Variants in ZYG11B observed in about 807,000 individuals in gnomAD.
The protein encoded by ZYG11B is protein zyg-11 homolog B.
A neutral mutation model predicts 82.4 loss-of-function variants in ZYG11B; 36 were observed. The observed-to-expected ratio is 0.44, with a 90% confidence interval of 0.33 to 0.58. ZYG11B has a LOEUF of 0.58. Among genes scored for constraint, ZYG11B ranks in the 20% least tolerant of loss-of-function variants. The probability of loss-of-function intolerance (pLI) is 0.02; values close to 1 mark genes in which losing one functional copy is unlikely to be tolerated. For missense variants in ZYG11B, 552 were observed against 895.6 expected (o/e 0.62, Z 4.90); for synonymous variants, 303 against 312.8 (o/e 0.97, Z 0.33).
intron 1 of ZYG11B, chr1:52,754,383 C>T (rs1644552929): frequency 6.6e-6 from 1 of 151,906 alleles, no homozygotes; most frequent in African/African-American, 2.4e-5. Context: ...GTTTATTTTA[C>T]ATTTATTTAT....
intron 10 of ZYG11B, among the ~76,000 whole-genome samples, chr1:52,811,190 T>G (rs187356806): frequency 6.6e-5 from 10 of 152,352 alleles, no homozygotes; most frequent in Non-Finnish European, 1.3e-4. Flanking sequence ...GCTTTGATTT[T>G]TTGAATGATA....
intron 3 of ZYG11B, chr1:52,772,701 G>A (rs528271191): frequency 1.6e-4 from 110 of 705,164 alleles, no homozygotes; most frequent in African/African-American, 1.5e-3. Flanking sequence ...CTTTTGAGAC[G>A]GAGTCTTGCT....
chr1:52,768,184 T>C (rs1177752071), intron 2 of ZYG11B, among the ~76,000 whole-genome samples: 1 of 152,224 alleles, frequency 6.6e-6, no homozygotes, highest in Non-Finnish European at 1.5e-5. Flanking sequence ...GCTGCTTTCC[T>C]GGTACGTTGG....
chr1:52,734,022 A>G (rs1023506662), intron 1 of ZYG11B, among the ~76,000 whole-genome samples: 23 of 152,228 alleles, frequency 1.5e-4, no homozygotes, highest in South Asian at 2.1e-4. Flanking sequence ...TCATAGTGAC[A>G]GGGTCTTGCT....
At chr1:52,789,282 C>T (rs1313582071) in intron 5 of ZYG11B, among the ~76,000 whole-genome samples, 2 of 152,090 alleles carry the variant, frequency 1.3e-5, no homozygotes, top group Non-Finnish European at 2.9e-5. Context: ...TGATTGAATT[C>T]CCTATATTAA....
intron 8 of ZYG11B, among the ~76,000 whole-genome samples, chr1:52,800,202 G>A (rs1645064321): frequency 6.6e-6 from 1 of 151,654 alleles, no homozygotes; most frequent in Non-Finnish European, 1.5e-5. Flanking sequence ...CTTGAGCTTG[G>A]GAGTTCAAGT....
chr1:52,751,911 CTG>C (rs1194651641), intron 1 of ZYG11B, among the ~76,000 whole-genome samples: 2 of 151,726 alleles, frequency 1.3e-5, no homozygotes, highest in Admixed American at 1.3e-4. Flanking sequence ...AGAAAACAAA[CTG>C]TTTTCTCCTA....
At chr1:52,730,422 G>A (rs577037283) in intron 1 of ZYG11B, among the ~76,000 whole-genome samples, 15 of 152,204 alleles carry the variant, frequency 9.9e-5, no homozygotes, top group Non-Finnish European at 1.9e-4. Context: ...AAACCCCTAG[G>A]CTCAAGCAGT....
At chr1:52,783,838 ATATGTACATACACGTGTGTGTG>A (rs1391494530) in intron 4 of ZYG11B, among the ~76,000 whole-genome samples, 3 of 101,762 alleles carry the variant, frequency 2.9e-5, no homozygotes, top group South Asian at 3.1e-4. Flanking sequence ...ATACGTGTGT[ATATGTACATACACGTGTGTGTG>A]TATGTACATA....
chr1:52,815,564 G>T (rs1645216316), intron 12 of ZYG11B, among the ~76,000 whole-genome samples: 1 of 152,054 alleles, frequency 6.6e-6, no homozygotes, highest in South Asian at 2.1e-4. Context: ...AGGCTGCAAT[G>T]AGTTGAGATC....
intron 10 of ZYG11B, chr1:52,805,177 G>A (rs193218463): frequency 7.0e-5 from 16 of 229,808 alleles, no homozygotes; most frequent in African/African-American, 3.2e-4. Flanking sequence ...TCACTGTACC[G>A]TTCCAATTTT....
intron 10 of ZYG11B, among the ~76,000 whole-genome samples, chr1:52,806,249 G>GTA (rs1452952697): frequency 1.3e-5 from 2 of 152,046 alleles, no homozygotes; most frequent in African/African-American, 2.4e-5. Flanking sequence ...TTATTATTGG[G>GTA]TATAGTGTTC....
rs754863104 is a variant in ZYG11B at position 52,826,832 on chromosome 1, G to T, written c.*5203G>T. On this transcript the variant is annotated 3_prime_UTR_variant, in exon 14 of 14. Transcript: ENST00000294353. ...TTATTAATGTTATGTGTTTAATTTT[G>T]GACTTATTTTGGGAAAAACTGTTCA... The T allele has an allele frequency of 6.6e-6, 1 of 152,030 alleles. No individual in the cohort carries two copies. The highest frequency in any genetic ancestry group is 1.5e-5 in the Non-Finnish European group (1 of 68,006). 9.4% of individuals were successfully genotyped at this position (152,030 alleles called of 1,614,324 possible).
chr1:52,760,760 CTTTT>C (rs35437248), intron 2 of ZYG11B, among the ~76,000 whole-genome samples: 12 of 104,656 alleles, frequency 1.1e-4, no homozygotes, highest in Non-Finnish European at 7.1e-5. Flanking sequence ...GCCTGGCCTA[CTTTT>C]TTTTTTTTTT....
chr1:52,790,773 C>CTTT, intron 6 of ZYG11B, among the ~76,000 whole-genome samples: 5,781 of 77,614 alleles, frequency 0.074, 609 homozygotes, highest in East Asian at 0.27. Flanking sequence ...GTCCAGTGTT[C>CTTT]TTTTTTTTTT....
In ZYG11B at chr1:52,825,695, C is replaced by T. The variant is rs1261631558; in HGVS notation, c.*4066C>T. On this transcript the variant is annotated 3_prime_UTR_variant, in exon 14 of 14. Coordinates refer to ENST00000294353, the MANE Select transcript of ZYG11B (RefSeq NM_024646.3). ...AAAAAGCGAGAGAGAGAGATGGTGT[C>T]TCACTGTGTTGCCCAGGCTGGTCTC... is the stretch of plus-strand genomic sequence containing the variant. The T allele has an allele frequency of 6.7e-6, 1 of 148,310 alleles. No homozygotes were observed. Among genetic ancestry groups the T allele is most frequent in the Admixed American group, 6.8e-5 (1 of 14,802 alleles). The allele number at this position is 148,310 out of a possible 1,614,324, so 9.2% of individuals were successfully genotyped here.
intron 3 of ZYG11B, among the ~76,000 whole-genome samples, chr1:52,773,874 C>T (rs955359866): frequency 1.3e-5 from 2 of 151,354 alleles, no homozygotes; most frequent in African/African-American, 4.9e-5. Flanking sequence ...AACTCCTGAG[C>T]TCAGGCAGTT....
At chr1:52,780,927 G>C (rs999458357) in intron 4 of ZYG11B, among the ~76,000 whole-genome samples, 2 of 152,124 alleles carry the variant, frequency 1.3e-5, no homozygotes, top group African/African-American at 2.4e-5. Context: ...TGGGTCACTT[G>C]GGGCCAGGAG....
Position 52,825,599 on chromosome 1 carries a change from G to A in ZYG11B, c.*3970G>A, listed in dbSNP as rs1176350553. ...TAGCTTTAGGAAGTTGCCCTTACAG[G>A]TGGGACCTTTTGTGTTAATCTGTTT... On this transcript the variant is annotated 3_prime_UTR_variant, in exon 14 of 14. Coordinates refer to ENST00000294353, the MANE Select transcript of ZYG11B (RefSeq NM_024646.3). 1.3e-5 allele frequency: 2 copies of A among 150,792 alleles called. No individual in the cohort carries two copies. Among genetic ancestry groups the A allele is most frequent in the African/African-American group, 2.4e-5 (1 of 40,878 alleles). 9.3% of individuals were successfully genotyped at this position (150,792 alleles called of 1,614,324 possible).
Sources: allele counts gnomAD v4.1 joint callset (sites outside exome capture counted in the v4.1 genomes callset), GRCh38; gene constraint gnomAD v4.1.1; transcripts MANE v1.5; gene names NCBI Gene and HGNC (gene_info 2026-07-23, HGNC 2026-07-21).